The following CPEB3 variants were observed in gnomAD, a reference collection of about 807,000 sequenced individuals.
The protein encoded by CPEB3 is cytoplasmic polyadenylation element-binding protein 3.
A neutral mutation model predicts 67.2 loss-of-function variants in CPEB3; 20 were observed. That is an observed-to-expected ratio of 0.30 (90% CI 0.21 to 0.43). CPEB3 has a LOEUF of 0.43. Ranked by LOEUF, CPEB3 falls within the 20% of genes least tolerant of loss-of-function variation. CPEB3 has a pLI of 1.00. For synonymous variants in CPEB3, 376 were observed against 393.1 expected, an observed-to-expected ratio of 0.96 and a Z score of 0.51; for missense variants, 746 against 968.6, an observed-to-expected ratio of 0.77 and a Z score of 3.05.
At chr10:92,112,237 C>T (rs560144661) in intron 6 of CPEB3, among the ~76,000 whole-genome samples, 17 of 151,606 alleles carry the variant, frequency 1.1e-4, no homozygotes, top group African/African-American at 3.6e-4. Flanking sequence ...TTCTGCCTCC[C>T]GGGTTCAAGC....
At chr10:92,096,978 G>C (rs1843911411) in intron 7 of CPEB3, among the ~76,000 whole-genome samples, 7 of 152,106 alleles carry the variant, frequency 4.6e-5, no homozygotes, top group Admixed American at 4.6e-4. Context: ...AGGGGCTGCA[G>C]TATCCTTTGG....
At chr10:92,241,684 C>T (rs1333221216) in intron 1 of CPEB3, among the ~76,000 whole-genome samples, 1 of 152,074 alleles carries the variant, frequency 6.6e-6, no homozygotes, top group African/African-American at 2.4e-5. Context: ...TTTTCTTATT[C>T]AAGGATGAAA....
At chr10:92,066,905 C>T (rs1439291575) in intron 9 of CPEB3, among the ~76,000 whole-genome samples, 2 of 150,626 alleles carry the variant, frequency 1.3e-5, no homozygotes, top group Non-Finnish European at 1.5e-5. Flanking sequence ...AAACATTAGC[C>T]GGGCATGATG....
intron 1 of CPEB3, among the ~76,000 whole-genome samples, chr10:92,256,381 CA>C (rs1225234969): frequency 1.3e-5 from 2 of 151,544 alleles, no homozygotes; most frequent in Non-Finnish European, 2.9e-5. Flanking sequence ...GGATAAAATA[CA>C]AACCTTTTTT....
intron 4 of CPEB3, among the ~76,000 whole-genome samples, chr10:92,172,751 T>C (rs1848064088): frequency 6.6e-6 from 1 of 152,212 alleles, no homozygotes; most frequent in Admixed American, 6.5e-5. Flanking sequence ...CCATGTTTTG[T>C]CTGGATAAGA....
chr10:92,179,234 A>G (rs1373257499), intron 4 of CPEB3, among the ~76,000 whole-genome samples: 2 of 152,256 alleles, frequency 1.3e-5, no homozygotes, highest in Non-Finnish European at 1.5e-5. Context: ...AACAAAATGG[A>G]AAGAGCATAA....
chr10:92,124,007 C>A (rs182145237), intron 6 of CPEB3, among the ~76,000 whole-genome samples: 4 of 152,308 alleles, frequency 2.6e-5, no homozygotes, highest in Admixed American at 2.6e-4. Flanking sequence ...CAAGTCCCAA[C>A]CCAAGCTATA....
chr10:92,115,486 G>A (rs1163381315), intron 6 of CPEB3, among the ~76,000 whole-genome samples: 2 of 152,164 alleles, frequency 1.3e-5, no homozygotes, highest in Non-Finnish European at 2.9e-5. Context: ...AGTAATACAG[G>A]GCCTTAGATG....
chr10:92,203,103 G>C, intron 2 of CPEB3, among the ~76,000 whole-genome samples: 1 of 151,028 alleles, frequency 6.6e-6, no homozygotes. Flanking sequence ...CACAAAGCCC[G>C]GCTAATTTTT....
chr10:92,086,250 A>AC (rs1379450103), intron 8 of CPEB3, among the ~76,000 whole-genome samples: 6 of 152,256 alleles, frequency 3.9e-5, no homozygotes, highest in African/African-American at 1.4e-4. Context: ...GACTTCTGAA[A>AC]GAAAGGAAGA....
At position 92,276,268 on chromosome 10, in the gene CPEB3, T is replaced by C. The variant is rs558066556; in HGVS notation, c.-12+14658A>G. Among the ~76,000 whole-genome samples the C allele has an allele frequency of 2.2e-4, 32 of 145,702 alleles. No homozygotes were observed. The South Asian group carries it at 4.4e-3, about 20-fold the overall frequency. On this transcript the variant is annotated intron_variant, in intron 1 of 9. Coordinates refer to ENST00000265997, the MANE Select transcript of CPEB3 (RefSeq NM_014912.5). ...GGCTATTATGAATAATGCTGCTTTT[T>C]TTTCTTTTCTTTTTTTTTTTTTTTT...
At chr10:92,113,258 C>T (rs1271611815) in intron 6 of CPEB3, among the ~76,000 whole-genome samples, 1 of 152,236 alleles carries the variant, frequency 6.6e-6, no homozygotes, top group Admixed American at 6.5e-5. Context: ...GACTGCAAAA[C>T]TAGAAAAGAC....
At chr10:92,217,947 G>A (rs868418667) in intron 2 of CPEB3, among the ~76,000 whole-genome samples, 14 of 152,022 alleles carry the variant, frequency 9.2e-5, no homozygotes, top group African/African-American at 1.7e-4. Flanking sequence ...GCAAAACCCC[G>A]TTTCTACAAA....
chr10:92,145,965 T>C (rs547293339), intron 4 of CPEB3, among the ~76,000 whole-genome samples: 1 of 152,234 alleles, frequency 6.6e-6, no homozygotes, highest in South Asian at 2.1e-4. Context: ...GCTACTCTAA[T>C]TTGGAAATAA....
At chr10:92,250,759 G>A (rs888717071) in intron 1 of CPEB3, among the ~76,000 whole-genome samples, 13 of 151,674 alleles carry the variant, frequency 8.6e-5, no homozygotes, top group Admixed American at 2.6e-4. Context: ...GCATAATTGC[G>A]GCTCACTGCA....
chr10:92,133,019 T>C (rs1845916843), intron 6 of CPEB3, among the ~76,000 whole-genome samples: 1 of 151,964 alleles, frequency 6.6e-6, no homozygotes, highest in Non-Finnish European at 1.5e-5. Context: ...TTTAAAGCAG[T>C]CTGTAGAGGG....
At chr10:92,139,540 G>A (rs1433211776) in intron 6 of CPEB3, among the ~76,000 whole-genome samples, 1 of 151,594 alleles carries the variant, frequency 6.6e-6, no homozygotes, top group East Asian at 1.9e-4. Context: ...CTGGAAAGAA[G>A]GTGGGGGTGG....
intron 2 of CPEB3, among the ~76,000 whole-genome samples, chr10:92,226,823 C>G (rs1850998518): frequency 8.8e-6 from 1 of 114,194 alleles, no homozygotes; most frequent in Non-Finnish European, 1.8e-5. Context: ...CAGGAGGGGC[C>G]AGGAGCTGGG....
chr10:92,219,775 C>T (rs1850604572), intron 2 of CPEB3, among the ~76,000 whole-genome samples: 1 of 152,128 alleles, frequency 6.6e-6, no homozygotes, highest in African/African-American at 2.4e-5. Context: ...AGGCAGTAAG[C>T]TCTAAAATGT....
Sources: allele counts gnomAD v4.1 joint callset (sites outside exome capture counted in the v4.1 genomes callset), GRCh38; gene constraint gnomAD v4.1.1; transcripts MANE v1.5; gene names NCBI Gene and HGNC (gene_info 2026-07-23, HGNC 2026-07-21).